NPSR1: variants seen among roughly 807,000 people sequenced by gnomAD.
NPSR1 encodes the protein neuropeptide S receptor 1.
NPSR1 carries 48 observed loss-of-function variants against 46.9 expected under a neutral mutation model. That is an observed-to-expected ratio of 1.02 (90% CI 0.81 to 1.30). The LOEUF is 1.30. Ranked by LOEUF, NPSR1 falls within the 50% of genes most tolerant of loss-of-function variation. The pLI, the probability that NPSR1 is intolerant of heterozygous loss-of-function variation, is 0.00. For synonymous variants in NPSR1, 176 were observed against 168.1 expected, an observed-to-expected ratio of 1.05 and a Z score of -0.36; for missense variants, 450 against 449.5, an observed-to-expected ratio of 1.00 and a Z score of -0.01.
chr7:34,750,602 AATTCATCT>A lies in NPSR1; in HGVS notation c.281-27856_281-27849del, dbSNP rs1443645124. 8 of 685,788 alleles carry A rather than the reference AATTCATCT, an allele frequency of 1.2e-5. No individual in the cohort carries two copies. In the African/African-American group the frequency reaches 1.4e-4, roughly 12 times the overall value. The allele number at this position is 685,788 out of a possible 1,614,324, so 42.5% of individuals were successfully genotyped here. A position where few individuals can be genotyped will look rare whatever the true frequency, so the allele number is the denominator to read the frequency against. ...ATGACAGGCCTGAAGCTTTTGCTCAAATTCATCTATTATAGCCTTGCCCTCAGGCTTGG... is the reference window on the plus strand; with the variant it reads ...ATGACAGGCCTGAAGCTTTTGCTCAAATTATAGCCTTGCCCTCAGGCTTGG... On this transcript the variant is annotated intron_variant, in intron 2 of 8. Coordinates refer to ENST00000360581, the MANE Select transcript of NPSR1 (RefSeq NM_207172.2).
chr7:34,799,152 GAGTA>G (rs1453593235), intron 3 of NPSR1, among the ~76,000 whole-genome samples: 2 of 152,246 alleles, frequency 1.3e-5, no homozygotes, highest in East Asian at 3.9e-4. Flanking sequence ...TTTCTCTGCA[GAGTA>G]AGTATGTGAG....
At chr7:34,855,512 A>G (rs926861221) in intron 8 of NPSR1, among the ~76,000 whole-genome samples, 5 of 152,164 alleles carry the variant, frequency 3.3e-5, no homozygotes, top group African/African-American at 4.8e-5. Flanking sequence ...GGGAAAACAT[A>G]TAATTGACCC....
At chr7:34,752,393 C>T (rs1285278264) in intron 2 of NPSR1, among the ~76,000 whole-genome samples, 1 of 152,108 alleles carries the variant, frequency 6.6e-6, no homozygotes, top group African/African-American at 2.4e-5. Flanking sequence ...AAGGAGTTTC[C>T]TTAGACCCCC....
chr7:34,711,188 C>T (rs1449849287), intron 2 of NPSR1: 1 of 185,934 alleles, frequency 5.4e-6, no homozygotes, highest in Admixed American at 5.8e-5. Flanking sequence ...GTACCCAAAC[C>T]TGAAGTCATT....
In NPSR1 at chr7:34,684,549, C is replaced by A; in HGVS notation, c.148-3C>A. 1 of 1,612,462 alleles carries A rather than the reference C, an allele frequency of 6.2e-7. No homozygotes were observed. The highest frequency in any genetic ancestry group is 8.5e-7 in the Non-Finnish European group (1 of 1,179,372). On this transcript the variant is annotated splice_region_variant and splice_polypyrimidine_tract_variant and intron_variant, in intron 1 of 8. Transcript: ENST00000360581. Reference sequence around the variant, plus strand: ...TGGTTTTATTTTTCTCTGTTTCTTGCAGACTGAGCAATTGATAACTCTGTG... The same window carrying A: ...TGGTTTTATTTTTCTCTGTTTCTTGAAGACTGAGCAATTGATAACTCTGTG...
chr7:34,802,027 CA>C (rs1200441464), intron 3 of NPSR1, among the ~76,000 whole-genome samples: 1 of 149,302 alleles, frequency 6.7e-6, no homozygotes, highest in Admixed American at 6.6e-5. Flanking sequence ...AGGACCTCTT[CA>C]AGGAGAACTA....
chr7:34,859,863 C>T (rs932273855), intron 8 of NPSR1, among the ~76,000 whole-genome samples: 2 of 151,706 alleles, frequency 1.3e-5, no homozygotes, highest in Non-Finnish European at 2.9e-5. Context: ...TGGGCTGGTA[C>T]TTAGGAGCAT....
chr7:34,798,871 ATAAGTGAAT>A (rs2128746805), intron 3 of NPSR1, among the ~76,000 whole-genome samples: 1 of 152,340 alleles, frequency 6.6e-6, no homozygotes, highest in South Asian at 2.1e-4. Context: ...CTTCTAAGTA[ATAAGTGAAT>A]TGAAGAAGAT....
intron 2 of NPSR1, among the ~76,000 whole-genome samples, chr7:34,687,188 C>T (rs972557775): frequency 6.6e-6 from 1 of 151,428 alleles, no homozygotes; most frequent in African/African-American, 2.4e-5. Flanking sequence ...GAAGTTGCTC[C>T]CTAAAAAAGA....
intron 2 of NPSR1, among the ~76,000 whole-genome samples, chr7:34,700,059 T>C (rs1326447147): frequency 2.6e-5 from 4 of 152,170 alleles, no homozygotes; most frequent in Non-Finnish European, 4.4e-5. Context: ...GGCCAGGTTT[T>C]GCTGGTAACT....
chr7:34,847,420 G>A (rs1397435992), intron 7 of NPSR1, among the ~76,000 whole-genome samples: 2 of 149,950 alleles, frequency 1.3e-5, no homozygotes, highest in Non-Finnish European at 3.0e-5. Flanking sequence ...GAGAGAGAGA[G>A]GTTTATTAGA....
intron 2 of NPSR1, among the ~76,000 whole-genome samples, chr7:34,739,259 A>C (rs1467877257): frequency 6.6e-6 from 1 of 152,230 alleles, no homozygotes; most frequent in African/African-American, 2.4e-5. Flanking sequence ...TATACCTAGG[A>C]GTAAAATTGC....
intron 2 of NPSR1, among the ~76,000 whole-genome samples, chr7:34,766,223 A>G (rs1171004163): frequency 6.6e-6 from 1 of 152,220 alleles, no homozygotes; most frequent in African/African-American, 2.4e-5. Flanking sequence ...GTGTGCAACC[A>G]CAGTCTCTCT....
At chr7:34,869,541 T>C (rs1172240236) in intron 8 of NPSR1, among the ~76,000 whole-genome samples, 2 of 151,586 alleles carry the variant, frequency 1.3e-5, no homozygotes, top group Admixed American at 6.6e-5. Context: ...TCAGTGTAAA[T>C]CTCCAAACTC....
intron 2 of NPSR1, among the ~76,000 whole-genome samples, chr7:34,687,156 G>C (rs977936523): frequency 2.0e-4 from 29 of 144,250 alleles, no homozygotes; most frequent in African/African-American, 7.0e-4. Context: ...CAAGTATCAG[G>C]CTTTTTTTTT....
downstream of NPSR1, among the ~76,000 whole-genome samples, chr7:34,851,286 G>A (rs984626167): frequency 8.4e-5 from 12 of 143,658 alleles, no homozygotes; most frequent in African/African-American, 1.5e-4. Context: ...CAAAGTCTGC[G>A]TGTTTAAGGT....
intron 6 of NPSR1, among the ~76,000 whole-genome samples, chr7:34,839,906 T>G (rs938133445): frequency 6.6e-6 from 1 of 152,110 alleles, no homozygotes; most frequent in Non-Finnish European, 1.5e-5. Context: ...CTTAGTCACA[T>G]GACTACACAC....
intron 2 of NPSR1, among the ~76,000 whole-genome samples, chr7:34,707,076 TC>T (rs1370980091): frequency 6.6e-6 from 1 of 152,234 alleles, no homozygotes. Flanking sequence ...TAAAGCTTTT[TC>T]TTTCTTAGAA....
intron 4 of NPSR1, among the ~76,000 whole-genome samples, chr7:34,821,229 G>T (rs1053324437): frequency 6.7e-6 from 1 of 149,108 alleles, no homozygotes; most frequent in East Asian, 2.0e-4. Context: ...CTGCCTCCCA[G>T]GTTCAAGTGA....
Sources: allele counts gnomAD v4.1 joint callset (sites outside exome capture counted in the v4.1 genomes callset), GRCh38; gene constraint gnomAD v4.1.1; transcripts MANE v1.5; gene names NCBI Gene and HGNC (gene_info 2026-07-23, HGNC 2026-07-21).